Variants in SPECC1L observed in about 807,000 individuals in gnomAD.
SPECC1L encodes the protein cytospin-A.
A neutral mutation model predicts 116.8 loss-of-function variants in SPECC1L; 40 were observed. The ratio of observed to expected loss-of-function variants is 0.34; its 90% CI spans 0.27 to 0.45. The LOEUF is 0.45. SPECC1L is among the 20% of genes least tolerant of loss of function. SPECC1L has a pLI of 1.00. For missense variants in SPECC1L, 1,110 were observed against 1,373.6 expected (o/e 0.81, Z 3.03); for synonymous variants, 504 against 500.6 (o/e 1.01, Z -0.09).
chr22:24,297,709 C>T (rs62233086), intron 2 of SPECC1L, among the ~76,000 whole-genome samples: 2 of 146,110 alleles, frequency 1.4e-5, no homozygotes, highest in Non-Finnish European at 3.0e-5. Context: ...ACAGTTGGTA[C>T]GTTTTAAATT....
chr22:24,375,352 A>G (rs1024512656), intron 14 of SPECC1L, among the ~76,000 whole-genome samples: 28 of 152,160 alleles, frequency 1.8e-4, no homozygotes, highest in Admixed American at 3.3e-4. Context: ...CATACCAAAA[A>G]CGGAAAAAGA....
intron 6 of SPECC1L, among the ~76,000 whole-genome samples, chr22:24,326,330 C>G (rs2040821076): frequency 6.6e-6 from 1 of 152,228 alleles, no homozygotes; most frequent in Non-Finnish European, 1.5e-5. Context: ...TTTTCAGCTT[C>G]TGTCCTTACT....
chr22:24,314,012 C>T (rs1430522465), intron 4 of SPECC1L, among the ~76,000 whole-genome samples: 1 of 152,058 alleles, frequency 6.6e-6, no homozygotes, highest in East Asian at 1.9e-4. Context: ...GTTGGGATTA[C>T]AGGCATGAGC....
At chr22:24,330,009 CTG>C (rs1382734791) in intron 7 of SPECC1L, among the ~76,000 whole-genome samples, 1 of 152,156 alleles carries the variant, frequency 6.6e-6, no homozygotes, top group Non-Finnish European at 1.5e-5. Flanking sequence ...GTTGAGCACT[CTG>C]AGTACTTGAT....
chr22:24,390,880 T>TTC lies in SPECC1L; in HGVS notation c.3088-20707_3088-20706insCT, dbSNP rs2042257378. 2.8e-4 allele frequency among the ~76,000 whole-genome samples: 33 copies of TTC among 118,074 alleles called. 1 individual carries two copies. The highest frequency in any genetic ancestry group is 7.9e-4 in the African/African-American group (24 of 30,538). 77.5% of individuals were successfully genotyped at this position (118,074 alleles called of 152,430 possible). On this transcript the variant is annotated intron_variant, in intron 14 of 16. Transcript: ENST00000314328. Reference sequence around the variant, plus strand: ...TTTTTTTTTTTTCTTTTCTTTTTTTTTTTTTTTTTTTTTTTTTTGAGTCAG... The same window carrying TTC: ...TTTTTTTTTTTTCTTTTCTTTTTTTTTCTTTTTTTTTTTTTTTTTTGAGTCAG...
intron 2 of SPECC1L, among the ~76,000 whole-genome samples, chr22:24,300,328 C>T (rs1601518137): frequency 6.6e-6 from 1 of 152,216 alleles, no homozygotes; most frequent in East Asian, 1.9e-4. Flanking sequence ...CTTATGGCTG[C>T]ATAGTATTCC....
chr22:24,390,803 G>A (rs565029391), intron 14 of SPECC1L, among the ~76,000 whole-genome samples: 3 of 149,112 alleles, frequency 2.0e-5, no homozygotes, highest in East Asian at 4.0e-4. Flanking sequence ...TGGAGCCACC[G>A]GGGAATAGAA....
chr22:24,371,259 A>G (rs1330500405), intron 14 of SPECC1L, among the ~76,000 whole-genome samples: 2 of 152,174 alleles, frequency 1.3e-5, no homozygotes, highest in Non-Finnish European at 2.9e-5. Flanking sequence ...TCAGGTGCAC[A>G]TGGAAGATTG....
At chr22:24,340,384 C>T (rs955551071) in intron 10 of SPECC1L, among the ~76,000 whole-genome samples, 1 of 151,772 alleles carries the variant, frequency 6.6e-6, no homozygotes, top group Non-Finnish European at 1.5e-5. Flanking sequence ...TGACCTCAAG[C>T]AATCTGCCCT....
chr22:24,352,108 A>G (rs1773861939), intron 11 of SPECC1L, among the ~76,000 whole-genome samples: 2 of 152,140 alleles, frequency 1.3e-5, no homozygotes, highest in Non-Finnish European at 1.5e-5. Flanking sequence ...CTATAAATGC[A>G]CTTAATCAAA....
chr22:24,345,993 A>T (rs957201006), intron 10 of SPECC1L, among the ~76,000 whole-genome samples: 4 of 150,072 alleles, frequency 2.7e-5, no homozygotes, highest in South Asian at 2.1e-4. Flanking sequence ...TTCATGGTGG[A>T]TTCTTTCTGT....
intron 14 of SPECC1L, among the ~76,000 whole-genome samples, chr22:24,387,541 A>G (rs117057960): frequency 6.6e-6 from 1 of 152,040 alleles, no homozygotes; most frequent in South Asian, 2.1e-4. Flanking sequence ...TAAGGAAAAA[A>G]TTTTTTTGGT....
intron 14 of SPECC1L, among the ~76,000 whole-genome samples, chr22:24,377,079 T>G (rs2041985699): frequency 6.6e-6 from 1 of 152,180 alleles, no homozygotes; most frequent in South Asian, 2.1e-4. Context: ...TTATGGACAT[T>G]TCCTATAAAT....
chr22:24,390,128 C>T (rs1036940498), intron 14 of SPECC1L, among the ~76,000 whole-genome samples: 1 of 150,172 alleles, frequency 6.7e-6, no homozygotes, highest in East Asian at 2.0e-4. Flanking sequence ...TCCCCTACCC[C>T]AACCCTTAAA....
chr22:24,352,717 A>G (rs2041450837), intron 11 of SPECC1L, among the ~76,000 whole-genome samples: 1 of 152,180 alleles, frequency 6.6e-6, no homozygotes, highest in Non-Finnish European at 1.5e-5. Flanking sequence ...ATGAGATAGA[A>G]ATCCTACCCT....
intron 2 of SPECC1L, among the ~76,000 whole-genome samples, chr22:24,298,723 C>T (rs1179895181): frequency 1.3e-5 from 2 of 152,174 alleles, no homozygotes; most frequent in Non-Finnish European, 2.9e-5. Flanking sequence ...GGGAGGGGCT[C>T]CCTCTTACTT....
intron 14 of SPECC1L, among the ~76,000 whole-genome samples, chr22:24,402,035 A>G (rs978474727): frequency 1.3e-5 from 2 of 151,530 alleles, no homozygotes; most frequent in Non-Finnish European, 2.9e-5. Flanking sequence ...CCTCTTTACC[A>G]TGTAAGTACC....
At chr22:24,327,865 T>C (rs1449665348) in intron 6 of SPECC1L, among the ~76,000 whole-genome samples, 2 of 152,184 alleles carry the variant, frequency 1.3e-5, no homozygotes, top group Admixed American at 6.5e-5. Context: ...GGCGGCAACA[T>C]GGTACAAGGC....
At chr22:24,380,382 T>C (rs1378148775) in intron 14 of SPECC1L, among the ~76,000 whole-genome samples, 1 of 152,146 alleles carries the variant, frequency 6.6e-6, no homozygotes, top group Admixed American at 6.5e-5. Context: ...TTGACTAGTT[T>C]ATGAGAGCAG....
Sources: allele counts gnomAD v4.1 joint callset (sites outside exome capture counted in the v4.1 genomes callset), GRCh38; gene constraint gnomAD v4.1.1; transcripts MANE v1.5; gene names NCBI Gene and HGNC (gene_info 2026-07-23, HGNC 2026-07-21).